The following TNRC6C variants were observed in gnomAD, a reference collection of about 807,000 sequenced individuals.
TNRC6C encodes trinucleotide repeat-containing gene 6C protein.
TNRC6C carries 20 observed loss-of-function variants against 153.7 expected under a neutral mutation model. The ratio of observed to expected loss-of-function variants is 0.13; its 90% CI spans 0.09 to 0.19. TNRC6C has a LOEUF of 0.19. Among genes scored for constraint, TNRC6C ranks in the 10% least tolerant of loss-of-function variants. The pLI is 1.00. For synonymous variants in TNRC6C, 811 were observed against 841.4 expected, an observed-to-expected ratio of 0.96 and a Z score of 0.63; for missense variants, 1,987 against 2,172.0, an observed-to-expected ratio of 0.91 and a Z score of 1.69.
intron 2 of TNRC6C, among the ~76,000 whole-genome samples, chr17:78,037,335 A>G (rs189839889): frequency 3.3e-5 from 5 of 152,228 alleles, no homozygotes; most frequent in African/African-American, 1.2e-4. Context: ...TTGAATGCCT[A>G]CCAAACATCA....
intron 1 of TNRC6C, among the ~76,000 whole-genome samples, chr17:78,029,566 A>G (rs190536795): frequency 6.6e-6 from 1 of 152,230 alleles, no homozygotes; most frequent in Non-Finnish European, 1.5e-5. Flanking sequence ...TGGTGAGTGA[A>G]TGTGAAGGCC....
intron 2 of TNRC6C, among the ~76,000 whole-genome samples, chr17:78,038,391 T>A (rs1309817913): frequency 6.6e-6 from 1 of 152,044 alleles, no homozygotes; most frequent in Middle Eastern, 3.2e-3. Context: ...TATTCCCTTG[T>A]GGCTGGGTGC....
chr17:78,049,213 G>A lies in TNRC6C; in HGVS notation c.151G>A (p.Val51Met), dbSNP rs767924462. 2.5e-6 allele frequency: 4 copies of A among 1,613,054 alleles called. No homozygotes were observed. The highest frequency in any genetic ancestry group is 2.2e-5 in the East Asian group (1 of 44,876). ...GAACAGTAATGGAAGTGCGGCCAGA[G>A]TGTGGGGTGTAGCCACAGGCTCCAG... Residue 51 changes from valine (V) to methionine (M), a missense_variant, in exon 3 of 20, where the codon GTG (valine) becomes ATG (methionine). By Grantham distance (21) the Val-to-Met change is conservative. This residue lies in a region of TNRC6C where 1,052 missense variants were observed against 1,017.0 expected (regional missense o/e 1.03). Transcript: ENST00000301624. The surrounding 1 kb of genome is among the most constrained non-coding windows in gnomAD (Gnocchi z 4.1).
intron 1 of TNRC6C, among the ~76,000 whole-genome samples, chr17:78,009,564 GT>G (rs1275806868): frequency 1.3e-5 from 2 of 151,854 alleles, no homozygotes; most frequent in African/African-American, 4.8e-5. Flanking sequence ...TTATGTTTTT[GT>G]TTTTTTGAGA....
chr17:78,046,250 C>T (rs1182370733), intron 2 of TNRC6C, among the ~76,000 whole-genome samples: 3 of 151,112 alleles, frequency 2.0e-5, no homozygotes, highest in African/African-American at 7.3e-5. Context: ...GGCACAGTCT[C>T]GGCTCACTGC....
chr17:78,013,506 G>C (rs1002891346), intron 1 of TNRC6C, among the ~76,000 whole-genome samples: 1 of 152,202 alleles, frequency 6.6e-6, no homozygotes, highest in Non-Finnish European at 1.5e-5. Context: ...TTGAGCACCT[G>C]CTATTTGCTT....
intron 1 of TNRC6C, 111 bp downstream of exon 3, chr17:78,005,190 C>T: frequency 1.6e-6 from 1 of 639,274 alleles, no homozygotes; most frequent in Non-Finnish European, 2.2e-6. Flanking sequence ...TCTAAGCCTG[C>T]CTTTGAAACT....
upstream of TNRC6C, among the ~76,000 whole-genome samples, chr17:77,958,091 G>C (rs2070822988): frequency 1.3e-5 from 2 of 152,158 alleles, no homozygotes; most frequent in South Asian, 2.1e-4. Flanking sequence ...GGACTCGTGT[G>C]CGTGTGCGTG....
At chr17:78,084,234 C>T (rs374792685) in intron 11 of TNRC6C, among the ~76,000 whole-genome samples, 5 of 149,934 alleles carry the variant, frequency 3.3e-5, no homozygotes, top group African/African-American at 9.8e-5. Context: ...CAGTGAGCCT[C>T]GCACCTTTGC....
chr17:78,058,336 A>G (rs1479109292), intron 3 of TNRC6C, among the ~76,000 whole-genome samples: 2 of 152,226 alleles, frequency 1.3e-5, no homozygotes, highest in Middle Eastern at 3.2e-3. Context: ...ATTACCTCGC[A>G]TACTCAGACA....
intron 2 of TNRC6C, among the ~76,000 whole-genome samples, chr17:78,047,258 G>C (rs1047755990): frequency 6.6e-6 from 1 of 152,138 alleles, no homozygotes; most frequent in African/African-American, 2.4e-5. Context: ...TATTATATTA[G>C]ATAGTTTTTA....
In TNRC6C at chr17:78,063,340, A is replaced by G. The variant is rs569938202; in HGVS notation, c.2396-1382A>G. On this transcript the variant is annotated intron_variant, in intron 3 of 19. Transcript: ENST00000301624. ...ACTATTCATTAGGTGGAATTGGATC[A>G]TCATAAAGGTCTTCATCCTCATCAT... Among the ~76,000 whole-genome samples the G allele has an allele frequency of 6.6e-5, 10 of 151,708 alleles. 2 individuals carry two copies. Among genetic ancestry groups the G allele is most frequent in the African/African-American group, 2.4e-4 (10 of 41,348 alleles).
At chr17:78,088,067 G>A (rs537964026) in intron 13 of TNRC6C, among the ~76,000 whole-genome samples, 1 of 152,230 alleles carries the variant, frequency 6.6e-6, no homozygotes, top group Non-Finnish European at 1.5e-5. Context: ...GGCCAGTTGA[G>A]TGGTAGTGAA....
At chr17:77,998,502 G>A (rs998424724) in intron 1 of TNRC6C, among the ~76,000 whole-genome samples, 5 of 152,234 alleles carry the variant, frequency 3.3e-5, no homozygotes, top group African/African-American at 9.6e-5. Flanking sequence ...TCAGGTCCCC[G>A]AGGTACTGTT....
intron 17 of TNRC6C, among the ~76,000 whole-genome samples, chr17:78,100,522 C>T (rs530396051): frequency 7.5e-4 from 114 of 152,314 alleles, no homozygotes; most frequent in Non-Finnish European, 1.3e-3. Context: ...ACAACTGGAG[C>T]GGCTGGGACA....
In TNRC6C at chr17:78,075,993, G is replaced by C. The variant is rs544534918; in HGVS notation, c.3060+715G>C. Among the ~76,000 whole-genome samples the C allele has an allele frequency of 7.2e-5, 11 of 152,082 alleles. No homozygotes were observed. Among genetic ancestry groups the C allele is most frequent in the African/African-American group, 2.6e-4 (11 of 41,512 alleles). On this transcript the variant is annotated intron_variant, in intron 8 of 19. Transcript: ENST00000301624. The surrounding 1 kb of genome is among the most constrained non-coding windows in gnomAD (Gnocchi z 4.2). ...GCACTTTGGGAGGCTGAGGTGGGTG[G>C]ATCACCTGAGGTCAGGAGATCGAGA...
chr17:77,962,695 T>C (rs2070870945), intron 1 of TNRC6C, among the ~76,000 whole-genome samples: 2 of 152,218 alleles, frequency 1.3e-5, no homozygotes, highest in South Asian at 4.1e-4. Context: ...TTATCTTCCG[T>C]TGAACTTGTT....
intron 1 of TNRC6C, among the ~76,000 whole-genome samples, chr17:77,965,931 A>C (rs1406576115): frequency 2.6e-5 from 4 of 152,154 alleles, no homozygotes; most frequent in Non-Finnish European, 5.9e-5. Context: ...ACCACTTTTT[A>C]GTTCAGTGGG....
intron 3 of TNRC6C, among the ~76,000 whole-genome samples, chr17:78,054,350 C>T: frequency 6.6e-6 from 1 of 152,028 alleles, no homozygotes. Context: ...CTACTGCAGA[C>T]TACGCACACC....
Sources: allele counts gnomAD v4.1 joint callset (sites outside exome capture counted in the v4.1 genomes callset), GRCh38; gene constraint gnomAD v4.1.1; regional missense constraint gnomAD v4.1.1; non-coding constraint Gnocchi (gnomAD v3.1); transcripts MANE v1.5; gene names NCBI Gene and HGNC (gene_info 2026-07-23, HGNC 2026-07-21).